The following TXNDC16 variants were observed in gnomAD, a reference collection of about 807,000 sequenced individuals.
TXNDC16 encodes the protein thioredoxin domain containing 16.
A neutral mutation model predicts 85.6 loss-of-function variants in TXNDC16; 74 were observed. That is an observed-to-expected ratio of 0.86 (90% CI 0.72 to 1.05). The LOEUF (loss-of-function observed/expected upper bound fraction) is 1.05. TXNDC16 is among the 50% of genes least tolerant of loss of function. The pLI is 0.00. For synonymous variants in TXNDC16, 335 were observed against 326.5 expected (o/e 1.03, Z -0.28); for missense variants, 959 against 947.0 (o/e 1.01, Z -0.17).
intron 9 of TXNDC16, among the ~76,000 whole-genome samples, chr14:52,499,092 A>G (rs1409334863): frequency 6.6e-6 from 1 of 152,192 alleles, no homozygotes; most frequent in East Asian, 1.9e-4. Context: ...TCTTCAATAG[A>G]TGGTGCTGGG....
chr14:52,492,054 C>T (rs2036419889), intron 9 of TXNDC16, among the ~76,000 whole-genome samples: 1 of 152,170 alleles, frequency 6.6e-6, no homozygotes, highest in African/African-American at 2.4e-5. Flanking sequence ...TGTGTCAAAG[C>T]TTTTGAGAGG....
chr14:52,515,986 TTTTG>T (rs1173568572), intron 7 of TXNDC16, among the ~76,000 whole-genome samples: 5 of 152,248 alleles, frequency 3.3e-5, no homozygotes, highest in African/African-American at 7.2e-5. Context: ...TTTTTAAAAA[TTTTG>T]TTTTTCTTTT....
At chr14:52,505,193 A>C (rs2036765510) in intron 9 of TXNDC16, among the ~76,000 whole-genome samples, 1 of 152,188 alleles carries the variant, frequency 6.6e-6, no homozygotes, top group Non-Finnish European at 1.5e-5. Flanking sequence ...ATATCCAGGA[A>C]TTGAATTCAC....
At chr14:52,506,598 A>G (rs10151051) in intron 9 of TXNDC16, among the ~76,000 whole-genome samples, 55,064 of 122,858 alleles carry the variant, frequency 0.45, 14,112 homozygotes, top group East Asian at 0.63. Context: ...CGCCCAGGCC[A>G]GACTGCGGAC....
At chr14:52,529,463 T>A (rs1272942613) in intron 6 of TXNDC16, among the ~76,000 whole-genome samples, 1 of 140,092 alleles carries the variant, frequency 7.1e-6, no homozygotes, top group African/African-American at 2.7e-5. Flanking sequence ...CCTAAAACTT[T>A]AACTATAATA....
At chr14:52,462,132 T>A (rs1258172430) in intron 16 of TXNDC16, among the ~76,000 whole-genome samples, 1 of 152,176 alleles carries the variant, frequency 6.6e-6, no homozygotes, top group Non-Finnish European at 1.5e-5. Flanking sequence ...CAGAAGCAGA[T>A]TTTATGGCTT....
At chr14:52,517,785 T>A (rs554462408) in intron 7 of TXNDC16, among the ~76,000 whole-genome samples, 1 of 152,308 alleles carries the variant, frequency 6.6e-6, no homozygotes, top group South Asian at 2.1e-4. Context: ...TTCAAAAAAT[T>A]ATTCTCCTAA....
At chr14:52,540,626 A>C (rs2140227357) in intron 4 of TXNDC16, among the ~76,000 whole-genome samples, 1 of 152,236 alleles carries the variant, frequency 6.6e-6, no homozygotes, top group Non-Finnish European at 1.5e-5. Context: ...CTCGGTCTCA[A>C]AAAAAAGAAG....
chr14:52,437,582 T>C (rs1192878803), intron 20 of TXNDC16, among the ~76,000 whole-genome samples: 1 of 151,888 alleles, frequency 6.6e-6, no homozygotes, highest in East Asian at 1.9e-4. Context: ...AAAAAGCTTC[T>C]TCACAGCAAA....
At chr14:52,516,840 C>T (rs1223356355) in intron 7 of TXNDC16, among the ~76,000 whole-genome samples, 1 of 152,146 alleles carries the variant, frequency 6.6e-6, no homozygotes, top group Non-Finnish European at 1.5e-5. Context: ...AGGATCACTT[C>T]CCGTCATTCC....
At chr14:52,519,508 A>AT (rs2037161974) in intron 6 of TXNDC16, among the ~76,000 whole-genome samples, 1 of 152,218 alleles carries the variant, frequency 6.6e-6, no homozygotes, top group Non-Finnish European at 1.5e-5. Context: ...TTGTGAGACA[A>AT]TGTTCATTAT....
chr14:52,511,051 C>T (rs927912176), intron 9 of TXNDC16, among the ~76,000 whole-genome samples, 189 bp downstream of exon 9: 1 of 151,736 alleles, frequency 6.6e-6, no homozygotes, highest in South Asian at 2.1e-4. Context: ...TTCTATTCTA[C>T]CTTTAATAAA....
chr14:52,548,679 C>T (rs1007354319), intron 1 of TXNDC16, among the ~76,000 whole-genome samples: 25 of 151,962 alleles, frequency 1.6e-4, no homozygotes, highest in African/African-American at 5.8e-4. Context: ...GTCAGGAGTT[C>T]GAGACCAGCC....
intron 6 of TXNDC16, among the ~76,000 whole-genome samples, chr14:52,519,914 G>C (rs2037170350): frequency 6.6e-6 from 1 of 152,038 alleles, no homozygotes; most frequent in Admixed American, 6.5e-5. Flanking sequence ...TTCCTTTATA[G>C]TACTTATTAC....
At chr14:52,548,907 T>G (rs1385249642) in intron 1 of TXNDC16, among the ~76,000 whole-genome samples, 1 of 152,128 alleles carries the variant, frequency 6.6e-6, no homozygotes, top group Non-Finnish European at 1.5e-5. Context: ...TAAACCATTA[T>G]TTTAAACTTC....
chr14:52,435,161 G>C (rs2034996233), intron 20 of TXNDC16, among the ~76,000 whole-genome samples: 1 of 151,818 alleles, frequency 6.6e-6, no homozygotes, highest in Non-Finnish European at 1.5e-5. Context: ...TATAGTTGTA[G>C]AGGAGGAAAC....
intron 6 of TXNDC16, among the ~76,000 whole-genome samples, chr14:52,521,400 C>T (rs2037208759): frequency 6.6e-6 from 1 of 151,814 alleles, no homozygotes; most frequent in African/African-American, 2.4e-5. Flanking sequence ...GGATTACAGG[C>T]GTGAGTCACT....
At chr14:52,477,045 T>C (rs538100248) in intron 14 of TXNDC16, among the ~76,000 whole-genome samples, 4 of 152,256 alleles carry the variant, frequency 2.6e-5, no homozygotes, top group African/African-American at 9.6e-5. Flanking sequence ...AAAACAATTA[T>C]CAGCCAAGAA....
rs570113872 is a variant in TXNDC16, at chr14:52,533,108, A to G, written c.392+3611T>C. Among the ~76,000 whole-genome samples, 259 of 152,106 alleles carry G rather than the reference A, an allele frequency of 1.7e-3. 1 individual carries two copies. Among genetic ancestry groups the G allele is most frequent in the African/African-American group, 6.2e-3 (256 of 41,508 alleles). On this transcript the variant is annotated intron_variant, in intron 6 of 20. Coordinates refer to ENST00000281741, the MANE Select transcript of TXNDC16 (RefSeq NM_020784.3). Reference sequence around the variant, plus strand: ...CCCTAGGATGCTCCCTGGCTGACCTATATGTTGACAACACCTGGATGTACA... The same window carrying G: ...CCCTAGGATGCTCCCTGGCTGACCTGTATGTTGACAACACCTGGATGTACA...
Sources: allele counts gnomAD v4.1 joint callset (sites outside exome capture counted in the v4.1 genomes callset), GRCh38; gene constraint gnomAD v4.1.1; transcripts MANE v1.5; gene names NCBI Gene and HGNC (gene_info 2026-07-23, HGNC 2026-07-21).